The following ASH1L variants were observed in gnomAD, a reference collection of about 807,000 sequenced individuals.
The protein encoded by ASH1L is histone-lysine N-methyltransferase ASH1L.
ASH1L carries 23 observed loss-of-function variants against 269.0 expected under a neutral mutation model. The ratio of observed to expected loss-of-function variants is 0.09; its 90% CI spans 0.06 to 0.12. The LOEUF (loss-of-function observed/expected upper bound fraction) is 0.12. Ranked by LOEUF, ASH1L falls within the 10% of genes least tolerant of loss-of-function variation. The pLI, the probability that ASH1L is intolerant of heterozygous loss-of-function variation, is 1.00. For missense variants in ASH1L, 2,912 were observed against 3,567.8 expected, an observed-to-expected ratio of 0.82 and a Z score of 4.68; for synonymous variants, 1,187 against 1,253.5, an observed-to-expected ratio of 0.95 and a Z score of 1.12.
chr1:155,428,212 G>GT (rs1240034401), intron 5 of ASH1L, among the ~76,000 whole-genome samples: 1 of 152,150 alleles, frequency 6.6e-6, no homozygotes, highest in Non-Finnish European at 1.5e-5. Context: ...GCCAAGGCAG[G>GT]TGGATCACCT....
chr1:155,462,822 A>G (rs1302730363), intron 3 of ASH1L, among the ~76,000 whole-genome samples: 1 of 152,222 alleles, frequency 6.6e-6, no homozygotes, highest in Non-Finnish European at 1.5e-5. Flanking sequence ...TTTAAAAAGA[A>G]TCAAGTTGTA....
In ASH1L at chr1:155,401,551, G is replaced by A. The variant is rs185687057; in HGVS notation, c.6009-5998C>T. ...AATCCCAGCACACTGGAAGGCCAAG[G>A]TGGGTGGATCACCAGAGGTCAGGTC... is the stretch of plus-strand genomic sequence containing the variant. On this transcript the variant is annotated intron_variant, in intron 6 of 27. Coordinates refer to ENST00000392403, the MANE Select transcript of ASH1L (RefSeq NM_018489.3). Among the ~76,000 whole-genome samples the A allele has an allele frequency of 3.3e-3, 509 of 152,052 alleles. 3 individuals are homozygous for A. The highest frequency in any genetic ancestry group is 0.012 in the African/African-American group (483 of 41,480).
At chr1:155,391,533 T>C (rs1171203420) in intron 7 of ASH1L, among the ~76,000 whole-genome samples, 1 of 152,212 alleles carries the variant, frequency 6.6e-6, no homozygotes, top group African/African-American at 2.4e-5. Flanking sequence ...TTGTCAGTGT[T>C]GACTGCCTTC....
intron 3 of ASH1L, among the ~76,000 whole-genome samples, chr1:155,464,946 A>T (rs1462667081): frequency 6.6e-6 from 1 of 152,228 alleles, no homozygotes; most frequent in Non-Finnish European, 1.5e-5. Context: ...ATAAAGAAAT[A>T]AGATTATGAA....
chr1:155,482,536 C>T, intron 2 of ASH1L, 87 bp from the exon 3 acceptor site: 2 of 1,349,706 alleles, frequency 1.5e-6, no homozygotes, highest in South Asian at 2.8e-5. Flanking sequence ...ACTAATGGAT[C>T]ACATATCAGA....
At chr1:155,347,006 G>A (rs73008916) in intron 20 of ASH1L, among the ~76,000 whole-genome samples, 278 of 152,314 alleles carry the variant, frequency 1.8e-3, no homozygotes, top group African/African-American at 6.5e-3. Flanking sequence ...TTAATAGAGT[G>A]TATTATCACT....
chr1:155,374,863 T>TG (rs1656291969), intron 10 of ASH1L, among the ~76,000 whole-genome samples: 1 of 152,188 alleles, frequency 6.6e-6, no homozygotes, highest in Admixed American at 6.5e-5. Context: ...TCACCCAGCC[T>TG]GGAGTACAGT....
At chr1:155,384,358 G>A (rs943674563) in intron 7 of ASH1L, among the ~76,000 whole-genome samples, 4 of 152,092 alleles carry the variant, frequency 2.6e-5, no homozygotes, top group Non-Finnish European at 5.9e-5. Flanking sequence ...TTTAGGATGT[G>A]AAAAATGCTG....
chr1:155,562,622 A>G lies in ASH1L; in HGVS notation c.-569T>C, dbSNP rs1244924902. 12 of 1,526,826 alleles carry G rather than the reference A, an allele frequency of 7.9e-6. No homozygotes were observed. Among genetic ancestry groups the G allele is most frequent in the Non-Finnish European group, 1.1e-5 (12 of 1,141,062 alleles). 94.6% of individuals were successfully genotyped at this position (1,526,826 alleles called of 1,614,324 possible). On this transcript the variant is annotated 5_prime_UTR_variant, in exon 1 of 28. Coordinates refer to ENST00000392403, the MANE Select transcript of ASH1L (RefSeq NM_018489.3). ...CCCGCCCGCACGCGTACGAGTGTCT[A>G]CGGGCTCGTCGCTGGCTGCTCCCAC...
At chr1:155,507,520 C>T (rs569055783) in intron 2 of ASH1L, among the ~76,000 whole-genome samples, 202 of 152,184 alleles carry the variant, frequency 1.3e-3, no homozygotes, top group Non-Finnish European at 2.2e-3. Context: ...CAACAAAGCA[C>T]CAAATTTCAA....
intron 1 of ASH1L, among the ~76,000 whole-genome samples, chr1:155,555,423 G>A (rs1378351100): frequency 6.7e-6 from 1 of 149,922 alleles, no homozygotes; most frequent in Non-Finnish European, 1.5e-5. Flanking sequence ...CTTGAACCCA[G>A]GAGGCAGAGG....
chr1:155,438,193 G>C, intron 5 of ASH1L, 134 bp downstream of exon 5: 2 of 988,940 alleles, frequency 2.0e-6, no homozygotes, highest in South Asian at 1.9e-5. Context: ...CATAAGAACA[G>C]TTTTTGAAAA....
intron 4 of ASH1L, among the ~76,000 whole-genome samples, chr1:155,456,891 A>G (rs1447230577): frequency 2.0e-5 from 3 of 152,204 alleles, no homozygotes; most frequent in Admixed American, 2.0e-4. Context: ...CCCCACCGCC[A>G]AAAGGATTAT....
chr1:155,348,867 C>T (rs1653602803), intron 19 of ASH1L, among the ~76,000 whole-genome samples: 1 of 135,790 alleles, frequency 7.4e-6, no homozygotes, highest in African/African-American at 2.8e-5. Context: ...GGTGACAGAG[C>T]AAGATTCTGT....
intron 6 of ASH1L, among the ~76,000 whole-genome samples, chr1:155,402,150 A>G (rs1658914433): frequency 6.6e-6 from 1 of 152,046 alleles, no homozygotes; most frequent in African/African-American, 2.4e-5. Context: ...CGTCTCAAAC[A>G]AACAAACAAA....
intron 3 of ASH1L, among the ~76,000 whole-genome samples, chr1:155,475,235 C>A (rs1665446904): frequency 1.3e-5 from 2 of 152,018 alleles, no homozygotes; most frequent in South Asian, 2.1e-4. Context: ...CTCCTGGGTT[C>A]AAGCGATTCT....
chr1:155,520,579 T>C (rs1473782189), intron 2 of ASH1L, among the ~76,000 whole-genome samples: 1 of 151,880 alleles, frequency 6.6e-6, no homozygotes, highest in African/African-American at 2.4e-5. Context: ...ACTGCATAAA[T>C]AGGCCAGGCG....
intron 4 of ASH1L, among the ~76,000 whole-genome samples, chr1:155,449,741 G>A (rs1311411507): frequency 2.6e-5 from 4 of 151,674 alleles, no homozygotes; most frequent in Non-Finnish European, 5.9e-5. Flanking sequence ...GGATGATCTC[G>A]ATCTCCTGAC....
At chr1:155,378,237 T>C in intron 10 of ASH1L, 44 bp downstream of exon 10, 1 of 1,482,888 alleles carries the variant, frequency 6.7e-7, no homozygotes, top group Non-Finnish European at 9.4e-7. Flanking sequence ...GTTGTATGTA[T>C]ACCTTAAAGC....
Sources: allele counts gnomAD v4.1 joint callset (sites outside exome capture counted in the v4.1 genomes callset), GRCh38; gene constraint gnomAD v4.1.1; transcripts MANE v1.5; gene names NCBI Gene and HGNC (gene_info 2026-07-23, HGNC 2026-07-21).